CDKN2A: variants seen among roughly 807,000 people sequenced by gnomAD.
CDKN2A encodes the protein cyclin-dependent kinase inhibitor 2A.
A neutral mutation model predicts 11.1 loss-of-function variants in CDKN2A; 3 were observed. That is an observed-to-expected ratio of 0.27 (90% confidence interval 0.12 to 0.70). The LOEUF is 0.70. CDKN2A is among the 30% of genes least tolerant of loss of function. CDKN2A has a pLI of 0.77. For synonymous variants in CDKN2A, 122 were observed against 108.1 expected, an observed-to-expected ratio of 1.13 and a Z score of -0.80; for missense variants, 265 against 233.6, an observed-to-expected ratio of 1.13 and a Z score of -0.88.
chr9:21,977,698 G>A (rs1435939231), upstream of CDKN2A, among the ~76,000 whole-genome samples: 2 of 152,138 alleles, frequency 1.3e-5, no homozygotes, highest in South Asian at 2.1e-4. Flanking sequence ...GGGAGAGTGG[G>A]AAGAGTAGGC....
chr9:21,971,448 A>G, intron 1 of CDKN2A: 1 of 1,256,642 alleles, frequency 8.0e-7, no homozygotes, highest in Non-Finnish European at 1.1e-6. Flanking sequence ...GGCAGAGAGC[A>G]CTGTGAGGCA....
chr9:21,968,663 G>C lies in CDKN2A; in HGVS notation c.458-421C>G, dbSNP rs1819529036. The C allele has an allele frequency of 1.3e-6, 2 of 1,535,140 alleles. No individual in the cohort carries two copies. The highest frequency in any genetic ancestry group is 2.4e-5 in the East Asian group (1 of 40,926). ...CACCTGGTGCGGAGTGAGCCAGCCA[G>C]CTTGCGATAACCAAAGGGCGCCTCA... On this transcript the variant is annotated intron_variant, in intron 2 of 2. Coordinates refer to ENST00000304494, the MANE Select transcript of CDKN2A (RefSeq NM_000077.5). The surrounding 1 kb of genome is among the most constrained non-coding windows in gnomAD (Gnocchi z 4.7).
rs1383590220 is a variant in CDKN2A, at chr9:21,968,801, T to C, written c.458-559A>G. ...AACAAAATGGATGCTCATTTATTCA[T>C]GTGCTCTGGCTTCTGCCTTCCTCTC... On this transcript the variant is annotated intron_variant, in intron 2 of 2. Coordinates refer to ENST00000304494, the MANE Select transcript of CDKN2A (RefSeq NM_000077.5). This position sits in a 1 kb window ranked among gnomAD's most constrained non-coding sequence, Gnocchi z 4.7. The C allele has an allele frequency of 2.6e-6, 4 of 1,535,480 alleles. No individual in the cohort carries two copies. The highest frequency in any genetic ancestry group is 4.9e-5 in the East Asian group (2 of 40,924).
intron 2 of CDKN2A, among the ~76,000 whole-genome samples, chr9:21,993,161 T>C (rs1820472741): frequency 2.0e-5 from 3 of 152,232 alleles, no homozygotes; most frequent in Non-Finnish European, 2.9e-5. Flanking sequence ...TGGCGAAGCA[T>C]ACCACAAGGA....
chr9:21,979,503 G>T (rs1245420100), upstream of CDKN2A, among the ~76,000 whole-genome samples: 1 of 152,134 alleles, frequency 6.6e-6, no homozygotes, highest in Non-Finnish European at 1.5e-5. Context: ...AGGACTTGAG[G>T]TCCCTCAAAA....
At chr9:21,989,442 G>C (rs553995776) in intron 2 of CDKN2A, 1 of 152,220 alleles carries the variant, frequency 6.6e-6, no homozygotes, top group South Asian at 2.1e-4. Flanking sequence ...AAACAATGGA[G>C]AGACATCGTC....
At chr9:21,984,087 T>G (rs3731219) in intron 2 of CDKN2A, among the ~76,000 whole-genome samples, 1 of 152,060 alleles carries the variant, frequency 6.6e-6, no homozygotes, top group Non-Finnish European at 1.5e-5. Context: ...TGACATTTAC[T>G]ATGAAGTTAT....
At chr9:21,993,005 A>AT (rs1820467021) in intron 2 of CDKN2A, among the ~76,000 whole-genome samples, 1 of 152,212 alleles carries the variant, frequency 6.6e-6, no homozygotes, top group Non-Finnish European at 1.5e-5. Context: ...ATAGATTATA[A>AT]ATTTTTGCTA....
In CDKN2A at chr9:21,968,295, T is replaced by G; in HGVS notation, c.458-53A>C. On this transcript the variant is annotated intron_variant, in intron 2 of 2. Coordinates refer to ENST00000304494, the MANE Select transcript of CDKN2A (RefSeq NM_000077.5). This position sits in a 1 kb window ranked among gnomAD's most constrained non-coding sequence, Gnocchi z 4.7. ...TTAGAAACCTGAGGTCAAAGATGTG[T>G]GGCACATCCCGCCCTCCTCTCTTGC... 1 of 1,598,624 alleles carries G rather than the reference T, an allele frequency of 6.3e-7. No individual in the cohort carries two copies. The highest frequency in any genetic ancestry group is 1.3e-5 in the African/African-American group (1 of 74,658).
upstream of CDKN2A, among the ~76,000 whole-genome samples, chr9:21,978,728 C>T (rs935518665): frequency 1.3e-5 from 2 of 152,114 alleles, no homozygotes; most frequent in African/African-American, 4.8e-5. Context: ...AAAAGACTAC[C>T]ACCTGTTCAT....
At chr9:21,970,632 A>G (rs999877877) in intron 2 of CDKN2A, 4 of 603,582 alleles carry the variant, frequency 6.6e-6, no homozygotes, top group Non-Finnish European at 1.2e-5. Flanking sequence ...TTGAACTAGC[A>G]GAGGGTAGGT....
Position 21,991,838 on chromosome 9 carries a change from A to G in CDKN2A, c.-4+2044T>C. ...ACTTGGAACACAATACAAACTGTGA[A>G]TCATGTACACATGGGGAATAATGGT... On this transcript the variant is annotated intron_variant, in intron 2 of 3. Coordinates refer to the CDKN2A transcript ENST00000494262. This position sits in a 1 kb window ranked among gnomAD's most constrained non-coding sequence, Gnocchi z 5.2. 1.0e-6 allele frequency: 1 copy of G among 985,284 alleles called. No individual in the cohort carries two copies. The highest frequency in any genetic ancestry group is 1.2e-6 in the Non-Finnish European group (1 of 829,752). The allele number at this position is 985,284 out of a possible 1,614,324, so 61.0% of individuals were successfully genotyped here. A position where few individuals can be genotyped will look rare whatever the true frequency, so the allele number is the denominator to read the frequency against.
chr9:21,984,401 G>A (rs1283213659), intron 2 of CDKN2A, among the ~76,000 whole-genome samples: 2 of 151,940 alleles, frequency 1.3e-5, no homozygotes, highest in Non-Finnish European at 2.9e-5. Context: ...CATTTCAAGT[G>A]GAAGGTACAA....
At position 21,971,117 on chromosome 9, in the gene CDKN2A, G is replaced by A. The variant is rs11552823; in HGVS notation, c.242C>T (p.Pro81Leu). Residue 81 changes from proline (P) to leucine (L), a missense_variant, in exon 2 of 3, where the codon CCC becomes CTC. Coordinates refer to ENST00000304494, the MANE Select transcript of CDKN2A (RefSeq NM_000077.5). ...NCADPATLTR[P>L]VHDAAREGFL... is the part of the protein sequence containing the mutation. ...GCCCTCCCGGGCAGCGTCGTGCACG[G>A]GTCGGGTGAGAGTGGCGGGGTCGGC... 6.2e-7 allele frequency: 1 copy of A among 1,604,222 alleles called. No homozygotes were observed. The highest frequency in any genetic ancestry group is 1.7e-5 in the Admixed American group (1 of 59,966).
upstream of CDKN2A, among the ~76,000 whole-genome samples, chr9:21,977,858 T>C (rs567361915): frequency 3.3e-5 from 5 of 152,216 alleles, no homozygotes; most frequent in African/African-American, 1.2e-4. Flanking sequence ...CTACCATGGA[T>C]TCCTACATCA....
In CDKN2A at chr9:21,991,174, G is replaced by T. The variant is rs1820420927; in HGVS notation, c.-4+2708C>A. 6.6e-6 allele frequency among the ~76,000 whole-genome samples: 1 copy of T among 152,156 alleles called. No individual in the cohort carries two copies. Among genetic ancestry groups the T allele is most frequent in the Non-Finnish European group, 1.5e-5 (1 of 68,044 alleles). On this transcript the variant is annotated intron_variant, in intron 2 of 3. Transcript: ENST00000494262. The surrounding 1 kb of genome is among the most constrained non-coding windows in gnomAD (Gnocchi z 5.2). The stretch of plus-strand genomic sequence containing the variant: ...TGGTTTTTGTATCAGGCTGGGCTTT[G>T]CAGCAGATGGAGGAGCTAGGGCAAG...
chr9:21,977,634 G>T (rs1356152527), upstream of CDKN2A, among the ~76,000 whole-genome samples: 1 of 152,206 alleles, frequency 6.6e-6, no homozygotes. Flanking sequence ...CCAAAGTGCT[G>T]GGATTACAGG....
At chr9:21,970,553 C>G (rs1366142452) in intron 2 of CDKN2A, 2 of 539,872 alleles carry the variant, frequency 3.7e-6, no homozygotes, top group Non-Finnish European at 6.6e-6. Context: ...GCAACTGGCC[C>G]TAGTTTGGAG....
intron 2 of CDKN2A, chr9:21,969,881 G>A (rs1348682122): frequency 1.0e-5 from 4 of 397,680 alleles, no homozygotes; most frequent in Non-Finnish European, 1.8e-5. Context: ...TTTGCGTTCT[G>A]TATTTACAGC....
Sources: gnomAD v4.1 joint callset for allele counts (sites outside exome capture counted in the v4.1 genomes callset) on GRCh38, gnomAD v4.1.1 for gene constraint, Gnocchi (gnomAD v3.1) non-coding constraint, MANE v1.5 for transcripts, NCBI Gene and HGNC (gene_info 2026-07-23, HGNC 2026-07-21) for gene names.